F13A1: variants seen among roughly 807,000 people sequenced by gnomAD.
F13A1 encodes coagulation factor XIII A chain.
Under a neutral mutation model 80.1 loss-of-function variants are expected in F13A1, and 47 were observed. The observed-to-expected ratio is 0.59, with a 90% CI of 0.46 to 0.75. The LOEUF (loss-of-function observed/expected upper bound fraction) is 0.75. Ranked by LOEUF, F13A1 falls within the 30% of genes least tolerant of loss-of-function variation. The pLI, the probability that F13A1 is intolerant of heterozygous loss-of-function variation, is 0.00. For missense variants in F13A1, 817 were observed against 930.4 expected, an observed-to-expected ratio of 0.88 and a Z score of 1.59; for synonymous variants, 349 against 344.9, an observed-to-expected ratio of 1.01 and a Z score of -0.13.
At chr6:6,236,001 T>C (rs959861579) in intron 6 of F13A1, among the ~76,000 whole-genome samples, 1 of 151,998 alleles carries the variant, frequency 6.6e-6, no homozygotes, top group Non-Finnish European at 1.5e-5. Context: ...AAAAACAGCA[T>C]GGATGAAGCT....
chr6:6,183,496 G>A (rs1561646439), intron 10 of F13A1, among the ~76,000 whole-genome samples: 1 of 152,180 alleles, frequency 6.6e-6, no homozygotes, highest in Non-Finnish European at 1.5e-5. Flanking sequence ...GTCACCTGGA[G>A]AACTTTAAAC....
chr6:6,208,147 C>T (rs763364786), intron 8 of F13A1, among the ~76,000 whole-genome samples: 1 of 151,984 alleles, frequency 6.6e-6, no homozygotes, highest in Admixed American at 6.6e-5. Context: ...GAAGGGAAAC[C>T]ATGAGAATTA....
chr6:6,172,589 G>A (rs1031214017), intron 12 of F13A1, among the ~76,000 whole-genome samples: 2 of 151,980 alleles, frequency 1.3e-5, no homozygotes, highest in Non-Finnish European at 2.9e-5. Flanking sequence ...GGGATTACAG[G>A]CACCTGCCAC....
intron 3 of F13A1, among the ~76,000 whole-genome samples, chr6:6,291,613 T>C (rs1583113797): frequency 6.6e-6 from 1 of 152,160 alleles, no homozygotes; most frequent in East Asian, 1.9e-4. Context: ...TTTAATAACA[T>C]TGGTCATGCT....
At chr6:6,239,343 G>A (rs926276858) in intron 6 of F13A1, among the ~76,000 whole-genome samples, 1 of 152,124 alleles carries the variant, frequency 6.6e-6, no homozygotes, top group Non-Finnish European at 1.5e-5. Context: ...GAAGAAGCAC[G>A]AGGGAAACTT....
intron 10 of F13A1, among the ~76,000 whole-genome samples, chr6:6,192,445 TGATAATTTTGGGAA>T (rs1215325691): frequency 1.3e-5 from 2 of 152,154 alleles, no homozygotes; most frequent in Non-Finnish European, 2.9e-5. Flanking sequence ...GCTGGATTTA[TGATAATTTTGGGAA>T]GGTATTTTTG....
chr6:6,312,029 T>A (rs1561688181), intron 2 of F13A1, among the ~76,000 whole-genome samples: 4 of 147,898 alleles, frequency 2.7e-5, no homozygotes, highest in Non-Finnish European at 6.0e-5. Context: ...AGCAAACTTT[T>A]TATATATATA....
At chr6:6,242,361 C>T (rs1210590388) in intron 6 of F13A1, among the ~76,000 whole-genome samples, 2 of 152,128 alleles carry the variant, frequency 1.3e-5, no homozygotes, top group East Asian at 3.8e-4. Context: ...TCCCAAAAGG[C>T]ATAGTCAGAG....
At chr6:6,305,281 G>C in intron 3 of F13A1, 70 bp downstream of exon 3, 1 of 1,539,976 alleles carries the variant, frequency 6.5e-7, no homozygotes, top group Non-Finnish European at 9.0e-7. Context: ...TCACACAACT[G>C]TGCCTGTACC....
At chr6:6,231,370 A>T (rs1757350114) in intron 6 of F13A1, among the ~76,000 whole-genome samples, 1 of 152,168 alleles carries the variant, frequency 6.6e-6, no homozygotes. Context: ...CCAGTCCAAA[A>T]AGACAAAGGA....
chr6:6,153,982 G>A (rs1760429316), intron 13 of F13A1, among the ~76,000 whole-genome samples: 1 of 152,072 alleles, frequency 6.6e-6, no homozygotes, highest in Admixed American at 6.6e-5. Flanking sequence ...ACTTGAATGA[G>A]GATTTGAAGC....
At chr6:6,269,704 T>TG (rs199737399) in intron 3 of F13A1, among the ~76,000 whole-genome samples, 16 of 151,852 alleles carry the variant, frequency 1.1e-4, no homozygotes, top group African/African-American at 3.1e-4. Flanking sequence ...CTGTTTTTTT[T>TG]TTTGTTTGTT....
At chr6:6,173,121 G>A (rs901945236) in intron 12 of F13A1, among the ~76,000 whole-genome samples, 1 of 152,168 alleles carries the variant, frequency 6.6e-6, no homozygotes, top group African/African-American at 2.4e-5. Flanking sequence ...CTAGAGACCA[G>A]TTTCTTCCAA....
At chr6:6,177,733 G>A (rs1056322967) in intron 11 of F13A1, among the ~76,000 whole-genome samples, 9 of 152,326 alleles carry the variant, frequency 5.9e-5, no homozygotes, top group Non-Finnish European at 1.3e-4. Flanking sequence ...TTCCCTCACT[G>A]GTGCAGAAGG....
At chr6:6,183,261 C>T (rs1185893923) in intron 10 of F13A1, among the ~76,000 whole-genome samples, 1 of 152,188 alleles carries the variant, frequency 6.6e-6, no homozygotes, top group African/African-American at 2.4e-5. Flanking sequence ...ATAATAACTC[C>T]TTCTTCATAG....
At chr6:6,218,563 C>T (rs558526584) in intron 8 of F13A1, among the ~76,000 whole-genome samples, 4 of 152,220 alleles carry the variant, frequency 2.6e-5, no homozygotes, top group South Asian at 2.1e-4. Flanking sequence ...GATCTAATTA[C>T]TCTGCCCTGC....
chr6:6,309,391 T>A (rs1259739525), intron 2 of F13A1, among the ~76,000 whole-genome samples: 1 of 152,040 alleles, frequency 6.6e-6, no homozygotes, highest in Non-Finnish European at 1.5e-5. Flanking sequence ...CTGAAGGAAG[T>A]GAGACATAAG....
chr6:6,260,579 T>C (rs115925549), intron 4 of F13A1, among the ~76,000 whole-genome samples: 1,637 of 152,314 alleles, frequency 0.011, 27 homozygotes, highest in African/African-American at 0.037. Context: ...CTACAGTGTA[T>C]GTGCTTGTGT....
intron 1 of F13A1, among the ~76,000 whole-genome samples, chr6:6,320,045 C>T (rs1402319068): frequency 6.6e-6 from 1 of 152,184 alleles, no homozygotes; most frequent in East Asian, 1.9e-4. Context: ...AAGGGGGGAG[C>T]CCCAGGTGCA....
Sources: gnomAD v4.1 joint callset for allele counts (sites outside exome capture counted in the v4.1 genomes callset) on GRCh38, gnomAD v4.1.1 for gene constraint, MANE v1.5 for transcripts, NCBI Gene and HGNC (gene_info 2026-07-23, HGNC 2026-07-21) for gene names.